The following SPIRE1 variants were observed in gnomAD, a reference collection of about 807,000 sequenced individuals.
SPIRE1 encodes the protein spire type actin nucleation factor 1.
SPIRE1 carries 40 observed loss-of-function variants against 94.1 expected under a neutral mutation model. That is an observed-to-expected ratio of 0.43 (90% CI 0.33 to 0.55). SPIRE1 has a LOEUF of 0.55. Ranked by LOEUF, SPIRE1 falls within the 20% of genes least tolerant of loss-of-function variation. The probability of loss-of-function intolerance (pLI) is 0.06; values close to 1 mark genes in which losing one functional copy is unlikely to be tolerated. For synonymous variants in SPIRE1, 376 were observed against 371.7 expected (o/e 1.01, Z -0.13); for missense variants, 838 against 975.2 (o/e 0.86, Z 1.87).
At chr18:12,494,600 T>G (rs376529527) in intron 7 of SPIRE1, among the ~76,000 whole-genome samples, 1 of 150,082 alleles carries the variant, frequency 6.7e-6, no homozygotes, top group Non-Finnish European at 1.5e-5. Context: ...GAGGCCGAGG[T>G]GGGCGGATCA....
chr18:12,503,040 C>T (rs1384438380), intron 6 of SPIRE1, among the ~76,000 whole-genome samples: 4 of 150,506 alleles, frequency 2.7e-5, no homozygotes, highest in Non-Finnish European at 4.4e-5. Context: ...ACCCGGGAGG[C>T]GGAGCTTGCA....
At position 12,613,706 on chromosome 18, in the gene SPIRE1, G is replaced by T. The variant is rs565935132; in HGVS notation, c.372+21356C>A. On this transcript the variant is annotated intron_variant, in intron 2 of 16. Coordinates refer to ENST00000409402, the MANE Select transcript of SPIRE1 (RefSeq NM_001128626.2). ...CTTGAGGTCAGGAGTTTGAGACCAG[G>T]ATGGCCAACATGGTGAAAGGCCGTC... Among the ~76,000 whole-genome samples, 8 of 149,108 alleles carry T rather than the reference G, an allele frequency of 5.4e-5. No individual in the cohort carries two copies. The South Asian group carries it at 1.1e-3, about 20-fold the overall frequency.
At chr18:12,563,311 T>C (rs980229939) in intron 2 of SPIRE1, among the ~76,000 whole-genome samples, 1 of 151,922 alleles carries the variant, frequency 6.6e-6, no homozygotes, top group Non-Finnish European at 1.5e-5. Flanking sequence ...CATACAACTA[T>C]TATATTAGTC....
rs376529527 is a variant in SPIRE1 at position 12,494,600 on chromosome 18, T to C, written c.1060-1399A>G. Among the ~76,000 whole-genome samples, 45 of 150,192 alleles carry C rather than the reference T, an allele frequency of 3.0e-4. No homozygotes were observed. In the East Asian group the frequency reaches 7.6e-3, roughly 25 times the overall value. On this transcript the variant is annotated intron_variant, in intron 7 of 16. Transcript: ENST00000409402. ...ATCCCAGCACTTTGGGAGGCCGAGG[T>C]GGGCGGATCACGAGGTCAGGAAATC...
At chr18:12,630,714 A>T (rs2037751305) in intron 2 of SPIRE1, among the ~76,000 whole-genome samples, 1 of 152,132 alleles carries the variant, frequency 6.6e-6, no homozygotes, top group African/African-American at 2.4e-5. Context: ...TGAGGCAGAG[A>T]AGCGAGAAGG....
chr18:12,637,001 G>A (rs1271022078), intron 1 of SPIRE1, among the ~76,000 whole-genome samples: 1 of 152,194 alleles, frequency 6.6e-6, no homozygotes, highest in South Asian at 2.1e-4. Flanking sequence ...TGCATGGGGG[G>A]AAGAGAGAGA....
chr18:12,471,219 C>T (rs1402829455), intron 10 of SPIRE1, among the ~76,000 whole-genome samples: 10 of 151,266 alleles, frequency 6.6e-5, no homozygotes, highest in African/African-American at 2.2e-4. Flanking sequence ...GAAAGAAGGT[C>T]TGGGTGTGGG....
chr18:12,651,782 A>C (rs1307017462), intron 1 of SPIRE1, among the ~76,000 whole-genome samples: 2 of 152,196 alleles, frequency 1.3e-5, no homozygotes, highest in Non-Finnish European at 2.9e-5. Flanking sequence ...CTTCCCCTCC[A>C]AATTAGCATG....
intron 2 of SPIRE1, among the ~76,000 whole-genome samples, chr18:12,584,604 T>C (rs1282148139): frequency 6.6e-6 from 1 of 151,872 alleles, no homozygotes; most frequent in African/African-American, 2.4e-5. Context: ...AAATAATAAA[T>C]CCATAGTCAC....
At chr18:12,468,657 AC>A (rs1354068000) in intron 10 of SPIRE1, among the ~76,000 whole-genome samples, 1 of 152,164 alleles carries the variant, frequency 6.6e-6, no homozygotes, top group Non-Finnish European at 1.5e-5. Context: ...AGTCAGAAGA[AC>A]CTGGGTGCAT....
At chr18:12,593,944 C>T (rs957536389) in intron 2 of SPIRE1, among the ~76,000 whole-genome samples, 3 of 130,124 alleles carry the variant, frequency 2.3e-5, no homozygotes, top group Admixed American at 1.5e-4. Context: ...GAGAGAAACG[C>T]TGTCTCAAGA....
chr18:12,610,914 C>T (rs961236641), intron 2 of SPIRE1, among the ~76,000 whole-genome samples: 3 of 152,158 alleles, frequency 2.0e-5, no homozygotes, highest in Non-Finnish European at 2.9e-5. Context: ...TCTTTTGACA[C>T]ACATACTGTC....
At chr18:12,649,008 A>G (rs1056074900) in intron 1 of SPIRE1, among the ~76,000 whole-genome samples, 1 of 152,114 alleles carries the variant, frequency 6.6e-6, no homozygotes, top group Admixed American at 6.5e-5. Context: ...GTTTTGACAA[A>G]TATACCACAA....
At chr18:12,501,072 C>CAAAAAAAAAA (rs67894900) in intron 6 of SPIRE1, among the ~76,000 whole-genome samples, 16 of 80,258 alleles carry the variant, frequency 2.0e-4, no homozygotes, top group East Asian at 5.2e-4. Context: ...AACTCTGTCT[C>CAAAAAAAAAA]AAAAAAAAAA....
At chr18:12,528,114 T>C (rs1043344347) in intron 4 of SPIRE1, among the ~76,000 whole-genome samples, 1 of 150,892 alleles carries the variant, frequency 6.6e-6, no homozygotes, top group African/African-American at 2.4e-5. Flanking sequence ...TTTATTAGGT[T>C]AAAAAAACTT....
intron 2 of SPIRE1, among the ~76,000 whole-genome samples, chr18:12,574,498 G>A (rs1192292308): frequency 6.6e-6 from 1 of 152,200 alleles, no homozygotes. Context: ...TGAGCTAGTA[G>A]GGATAGTGGT....
At chr18:12,543,930 C>T (rs553086218) in intron 3 of SPIRE1, among the ~76,000 whole-genome samples, 3 of 152,282 alleles carry the variant, frequency 2.0e-5, no homozygotes, top group Admixed American at 6.5e-5. Context: ...CTGCACTACA[C>T]GATGAGGAAT....
intron 2 of SPIRE1, among the ~76,000 whole-genome samples, chr18:12,594,558 TA>T (rs778589757): frequency 6.6e-6 from 1 of 152,216 alleles, no homozygotes; most frequent in African/African-American, 2.4e-5. Context: ...CATATGTCCA[TA>T]AGAAAAAATG....
At chr18:12,477,239 G>A (rs1388824093) in intron 10 of SPIRE1, among the ~76,000 whole-genome samples, 3 of 152,170 alleles carry the variant, frequency 2.0e-5, no homozygotes, top group Non-Finnish European at 2.9e-5. Context: ...GGTAGTTCCT[G>A]GCAGCTGCAG....
Sources: allele counts gnomAD v4.1 joint callset (sites outside exome capture counted in the v4.1 genomes callset), GRCh38; gene constraint gnomAD v4.1.1; transcripts MANE v1.5; gene names NCBI Gene and HGNC (gene_info 2026-07-23, HGNC 2026-07-21).